GALNTL5: variants seen among roughly 807,000 people sequenced by gnomAD.
The protein encoded by GALNTL5 is polypeptide N-acetylgalactosaminyltransferase like 5.
GALNTL5 carries 44 observed loss-of-function variants against 51.0 expected under a neutral mutation model. That is an observed-to-expected ratio of 0.86 (90% CI 0.68 to 1.11). The LOEUF is 1.11. Among genes scored for constraint, GALNTL5 ranks in the 50% least tolerant of loss-of-function variants. The probability of loss-of-function intolerance (pLI) is 0.00; values close to 1 mark genes in which losing one functional copy is unlikely to be tolerated. For missense variants in GALNTL5, 528 were observed against 531.8 expected (o/e 0.99, Z 0.07); for synonymous variants, 192 against 182.8 (o/e 1.05, Z -0.41).
At chr7:151,959,204 T>C (rs2080962366) in intron 1 of GALNTL5, among the ~76,000 whole-genome samples, 1 of 152,164 alleles carries the variant, frequency 6.6e-6, no homozygotes, top group African/African-American at 2.4e-5. Flanking sequence ...GTTTATTTTG[T>C]ATATTACATT....
intron 7 of GALNTL5, among the ~76,000 whole-genome samples, chr7:152,010,717 G>A (rs561566360): frequency 5.3e-5 from 8 of 151,556 alleles, no homozygotes; most frequent in Non-Finnish European, 8.8e-5. Flanking sequence ...ACAGTGAGCC[G>A]AGATCGTGCC....
chr7:151,964,611 G>A (rs13240603), intron 1 of GALNTL5, among the ~76,000 whole-genome samples: 17,961 of 152,128 alleles, frequency 0.12, 1,835 homozygotes, highest in African/African-American at 0.27. Flanking sequence ...GGAACTGTAA[G>A]TCCATTAAAC....
At position 151,987,179 on chromosome 7, in the gene GALNTL5, G is replaced by C. The variant is rs924502629; in HGVS notation, c.556G>C (p.Asp186His). The change falls in exon 5 of 9, where the codon GAC (aspartate) becomes CAC (histidine). Residue 186 changes from aspartate to histidine, a missense_variant. Asp to His is a moderately conservative substitution (Grantham distance 81, BLOSUM62 -1). Transcript: ENST00000392800. Reference sequence around the variant, plus strand: ...TCCAGATGATTTGAAAGAAAAACTAGACTATCACCTGGAAACTTTTCGGGG... The same window carrying C: ...TCCAGATGATTTGAAAGAAAAACTACACTATCACCTGGAAACTTTTCGGGG... ...SKVDDLKEKL[D>H]YHLETFRGKV... 6.3e-7 allele frequency: 1 copy of C among 1,589,382 alleles called. No individual in the cohort carries two copies. The highest frequency in any genetic ancestry group is 1.4e-5 in the African/African-American group (1 of 73,366).
chr7:151,970,149 G>GGT (rs2081115646), intron 2 of GALNTL5, among the ~76,000 whole-genome samples: 1 of 66,282 alleles, frequency 1.5e-5, no homozygotes, highest in Non-Finnish European at 3.7e-5. Flanking sequence ...GGGGGTAGTT[G>GGT]GGGGGGCCCC....
At chr7:151,962,116 C>A (rs1344995715) in intron 1 of GALNTL5, among the ~76,000 whole-genome samples, 1 of 151,602 alleles carries the variant, frequency 6.6e-6, no homozygotes, top group Admixed American at 6.6e-5. Flanking sequence ...GATTCTCCTG[C>A]CTCAGCCTCC....
At chr7:151,963,766 T>C (rs2081022783) in intron 1 of GALNTL5, among the ~76,000 whole-genome samples, 1 of 152,250 alleles carries the variant, frequency 6.6e-6, no homozygotes, top group Non-Finnish European at 1.5e-5. Context: ...ATTCTCTCAA[T>C]GCTCCTTTTT....
At chr7:152,003,679 G>A (rs893710861) in intron 6 of GALNTL5, among the ~76,000 whole-genome samples, 1 of 152,176 alleles carries the variant, frequency 6.6e-6, no homozygotes, top group Admixed American at 6.5e-5. Context: ...AATGTAATAT[G>A]TAGAAATCTC....
intron 1 of GALNTL5, among the ~76,000 whole-genome samples, chr7:151,959,298 T>C (rs906553590): frequency 6.6e-6 from 1 of 152,204 alleles, no homozygotes; most frequent in African/African-American, 2.4e-5. Context: ...AAGTTAACTT[T>C]AGATAACTTT....
At chr7:152,004,666 C>CATT (rs2081621794) in intron 6 of GALNTL5, among the ~76,000 whole-genome samples, 1 of 152,116 alleles carries the variant, frequency 6.6e-6, no homozygotes, top group Admixed American at 6.6e-5. Flanking sequence ...CATGTGTATA[C>CATT]ATTATTTAGT....
chr7:151,992,396 T>C (rs1290467832), intron 5 of GALNTL5, among the ~76,000 whole-genome samples: 3 of 152,088 alleles, frequency 2.0e-5, no homozygotes, highest in Admixed American at 6.5e-5. Flanking sequence ...AGGCCAGAAG[T>C]CCAAAATCAA....
chr7:151,989,721 C>T (rs1177336532), intron 5 of GALNTL5, among the ~76,000 whole-genome samples: 3 of 152,190 alleles, frequency 2.0e-5, no homozygotes, highest in Non-Finnish European at 4.4e-5. Flanking sequence ...ATTGCCCTTT[C>T]TCTGCAGCCA....
chr7:151,968,259 A>C (rs991524148), intron 2 of GALNTL5, among the ~76,000 whole-genome samples: 1 of 152,170 alleles, frequency 6.6e-6, no homozygotes, highest in African/African-American at 2.4e-5. Context: ...TGATTGGGCC[A>C]CTATACTCCA....
At chr7:151,989,412 C>T (rs2081400281) in intron 5 of GALNTL5, among the ~76,000 whole-genome samples, 1 of 152,204 alleles carries the variant, frequency 6.6e-6, no homozygotes, top group Non-Finnish European at 1.5e-5. Flanking sequence ...CTCGGCCTCC[C>T]AAAGTGTTGA....
At chr7:151,981,386 C>T (rs61476266) in intron 3 of GALNTL5, among the ~76,000 whole-genome samples, 50,777 of 151,850 alleles carry the variant, frequency 0.33, 10,817 homozygotes, top group African/African-American at 0.59. Flanking sequence ...AGGTTGATAT[C>T]GCTATTATTA....
chr7:151,979,833 TG>T (rs2081257057), intron 3 of GALNTL5, among the ~76,000 whole-genome samples: 1 of 152,156 alleles, frequency 6.6e-6, no homozygotes, highest in African/African-American at 2.4e-5. Context: ...CAGGTTCTCT[TG>T]GGGGTCTAAA....
chr7:152,001,751 T>C (rs1487715040), intron 5 of GALNTL5, among the ~76,000 whole-genome samples: 1 of 152,200 alleles, frequency 6.6e-6, no homozygotes, highest in Non-Finnish European at 1.5e-5. Flanking sequence ...GATCAATTTC[T>C]TTAAAAAGAG....
At chr7:151,973,532 C>G (rs2081172997) in intron 3 of GALNTL5, among the ~76,000 whole-genome samples, 1 of 152,000 alleles carries the variant, frequency 6.6e-6, no homozygotes, top group Admixed American at 6.5e-5. Context: ...GCCTGTGGCC[C>G]CTTTGTTTTG....
chr7:151,977,889 C>T (rs970179759), intron 3 of GALNTL5, among the ~76,000 whole-genome samples: 1 of 152,112 alleles, frequency 6.6e-6, no homozygotes, highest in Non-Finnish European at 1.5e-5. Context: ...CTATCATCTC[C>T]GCTAGTACCA....
chr7:151,961,597 A>G (rs1365654357), intron 1 of GALNTL5, among the ~76,000 whole-genome samples: 3 of 152,194 alleles, frequency 2.0e-5, no homozygotes, highest in African/African-American at 7.2e-5. Flanking sequence ...AAAGGCCAAG[A>G]GGATACTTGA....
Sources: gnomAD v4.1 joint callset for allele counts (sites outside exome capture counted in the v4.1 genomes callset) on GRCh38, gnomAD v4.1.1 for gene constraint, MANE v1.5 for transcripts, NCBI Gene and HGNC (gene_info 2026-07-23, HGNC 2026-07-21) for gene names.